TMEM114: variants seen among roughly 807,000 people sequenced by gnomAD.
TMEM114 encodes transmembrane protein 114.
Under a neutral mutation model 6.2 loss-of-function variants are expected in TMEM114, and 6 were observed. The observed-to-expected ratio is 0.97, with a 90% CI of 0.53 to 1.91. The LOEUF is 1.91. Among genes scored for constraint, TMEM114 ranks in the 40% most tolerant of loss-of-function variants. TMEM114 has a pLI of 0.01. For missense variants in TMEM114, 218 were observed against 158.3 expected, an observed-to-expected ratio of 1.38 and a Z score of -2.02; for synonymous variants, 104 against 73.0, an observed-to-expected ratio of 1.42 and a Z score of -2.16.
intron 2 of TMEM114, among the ~76,000 whole-genome samples, chr16:8,580,869 C>T (rs901761130): frequency 1.3e-5 from 2 of 152,082 alleles, no homozygotes; most frequent in African/African-American, 2.4e-5. Flanking sequence ...TTTTTGTATT[C>T]TTGGTAGAGA....
the TMEM114 span, chr16:8,532,090 T>C: frequency 1.3e-5 from 2 of 152,208 alleles, no homozygotes; most frequent in Non-Finnish European, 2.9e-5. Context: ...GTGCCCCTAG[T>C]AACGTCTTTT....
At chr16:8,530,019 C>A in the TMEM114 span, among the ~76,000 whole-genome samples, 1 of 152,206 alleles carries the variant, frequency 6.6e-6, no homozygotes. Flanking sequence ...ATTTTTTCAG[C>A]TGAACTGAAA....
At chr16:8,531,448 G>A in the TMEM114 span, among the ~76,000 whole-genome samples, 5 of 152,292 alleles carry the variant, frequency 3.3e-5, no homozygotes, top group African/African-American at 9.6e-5. Flanking sequence ...TTATGGCCAC[G>A]TTTGAAACTG....
chr16:8,556,235 G>A (rs1357708861), intron 2 of TMEM114, among the ~76,000 whole-genome samples: 4 of 152,014 alleles, frequency 2.6e-5, no homozygotes, highest in African/African-American at 9.7e-5. Context: ...CCCCTCTGCC[G>A]GCCTTTGTCC....
intron 2 of TMEM114, among the ~76,000 whole-genome samples, chr16:8,558,503 T>A (rs924250406): frequency 6.6e-6 from 1 of 152,230 alleles, no homozygotes; most frequent in Admixed American, 6.5e-5. Flanking sequence ...CCTAACCCAA[T>A]GTAACTTCAT....
At chr16:8,554,887 T>C (rs544677412) in intron 2 of TMEM114, among the ~76,000 whole-genome samples, 3 of 152,300 alleles carry the variant, frequency 2.0e-5, no homozygotes, top group Middle Eastern at 3.4e-3. Context: ...AGTTTGTCCT[T>C]CGTACCACAG....
intron 2 of TMEM114, among the ~76,000 whole-genome samples, chr16:8,585,044 G>C (rs576074744): frequency 6.6e-6 from 1 of 152,104 alleles, no homozygotes; most frequent in African/African-American, 2.4e-5. Flanking sequence ...CACATGGCTG[G>C]GGAGGCCTCA....
intron 2 of TMEM114, among the ~76,000 whole-genome samples, chr16:8,548,861 G>A (rs978158547): frequency 6.6e-6 from 1 of 152,152 alleles, no homozygotes; most frequent in Non-Finnish European, 1.5e-5. Context: ...GAGTGAGAGA[G>A]AGAGATCCAG....
intron 2 of TMEM114, among the ~76,000 whole-genome samples, chr16:8,561,192 C>T (rs777429562): frequency 6.6e-6 from 1 of 152,234 alleles, no homozygotes; most frequent in African/African-American, 2.4e-5. Context: ...TTTCAGTCTA[C>T]TCCTGTCTGT....
intron 2 of TMEM114, among the ~76,000 whole-genome samples, chr16:8,581,884 C>G (rs563255017): frequency 4.6e-5 from 7 of 152,206 alleles, no homozygotes; most frequent in Non-Finnish European, 8.8e-5. Context: ...CCACAGGCAC[C>G]TGCTCCTTCC....
intron 2 of TMEM114, among the ~76,000 whole-genome samples, chr16:8,548,437 C>T (rs370251353): frequency 6.6e-6 from 1 of 152,108 alleles, no homozygotes; most frequent in Non-Finnish European, 1.5e-5. Flanking sequence ...GCTTTACAAC[C>T]TTTTATTATT....
intron 2 of TMEM114, among the ~76,000 whole-genome samples, chr16:8,588,103 T>C (rs946909985): frequency 4.6e-5 from 7 of 152,032 alleles, no homozygotes; most frequent in African/African-American, 1.2e-4. Context: ...CTGGCTAACA[T>C]TGTGAAACTC....
At chr16:8,543,431 G>T (rs1245689224) in intron 2 of TMEM114, among the ~76,000 whole-genome samples, 1 of 151,338 alleles carries the variant, frequency 6.6e-6, no homozygotes, top group Non-Finnish European at 1.5e-5. Flanking sequence ...GCCCCAGTGT[G>T]ACTGAGTCAC....
the TMEM114 span, among the ~76,000 whole-genome samples, chr16:8,529,981 T>G: frequency 1.3e-5 from 2 of 152,220 alleles, no homozygotes; most frequent in Non-Finnish European, 2.9e-5. Flanking sequence ...GTTCCTTCTT[T>G]GACTGATGGT....
chr16:8,544,844 T>C (rs1464142617), intron 2 of TMEM114, among the ~76,000 whole-genome samples: 2 of 152,132 alleles, frequency 1.3e-5, no homozygotes. Flanking sequence ...CAGGAAAACA[T>C]ACACTGCTCC....
chr16:8,586,234 C>T (rs184302451), intron 2 of TMEM114, among the ~76,000 whole-genome samples: 9 of 152,328 alleles, frequency 5.9e-5, no homozygotes, highest in East Asian at 1.9e-4. Flanking sequence ...TCTGGAAACT[C>T]GATGTCAAGT....
At chr16:8,529,619 T>C in the TMEM114 span, among the ~76,000 whole-genome samples, 288 of 152,188 alleles carry the variant, frequency 1.9e-3, 1 homozygote, top group African/African-American at 6.3e-3. Flanking sequence ...GGAACCTACA[T>C]TGATAATTAG....
intron 2 of TMEM114, among the ~76,000 whole-genome samples, chr16:8,538,753 A>C (rs1312577499): frequency 6.6e-6 from 1 of 151,924 alleles, no homozygotes; most frequent in Non-Finnish European, 1.5e-5. Context: ...TGATCCGCCC[A>C]CCTCGGCCTC....
intron 2 of TMEM114, among the ~76,000 whole-genome samples, chr16:8,543,232 G>C (rs964369202): frequency 5.3e-5 from 8 of 152,146 alleles, no homozygotes; most frequent in African/African-American, 1.9e-4. Context: ...GGCATGAGGA[G>C]CACTTGTTCA....
Sources: allele counts gnomAD v4.1 joint callset (sites outside exome capture counted in the v4.1 genomes callset), GRCh38; gene constraint gnomAD v4.1.1; transcripts MANE v1.5; gene names NCBI Gene and HGNC (gene_info 2026-07-23, HGNC 2026-07-21).